Variants in MYO3B observed in about 807,000 individuals in gnomAD.
MYO3B encodes the protein myosin-IIIb.
In MYO3B, 156 loss-of-function variants were observed where a neutral mutation model predicts 174.6. The observed-to-expected ratio is 0.89, with a 90% CI of 0.78 to 1.02. The LOEUF (loss-of-function observed/expected upper bound fraction) is 1.02, where lower values mean the gene tolerates loss of function less well. Among genes scored for constraint, MYO3B ranks in the 50% least tolerant of loss-of-function variants. The pLI, the probability that MYO3B is intolerant of heterozygous loss-of-function variation, is 0.00. For missense variants in MYO3B, 1,632 were observed against 1,639.4 expected, an observed-to-expected ratio of 1.00 and a Z score of 0.08; for synonymous variants, 563 against 569.1, an observed-to-expected ratio of 0.99 and a Z score of 0.15.
At chr2:170,588,322 C>T (rs1342612851) in intron 32 of MYO3B, among the ~76,000 whole-genome samples, 1 of 152,158 alleles carries the variant, frequency 6.6e-6, no homozygotes, top group South Asian at 2.1e-4. Flanking sequence ...ACCTGTAGTC[C>T]TAGCTACTCA....
At chr2:170,418,869 C>A (rs996928106) in intron 22 of MYO3B, among the ~76,000 whole-genome samples, 60 of 151,760 alleles carry the variant, frequency 4.0e-4, no homozygotes, top group Non-Finnish European at 8.4e-4. Flanking sequence ...GCTTAGCTAG[C>A]AAAATATATA....
chr2:170,316,753 T>C (rs1020637498), intron 7 of MYO3B, among the ~76,000 whole-genome samples: 9 of 152,256 alleles, frequency 5.9e-5, no homozygotes, highest in African/African-American at 2.2e-4. Flanking sequence ...GGTCACATTC[T>C]AATTCCTTAA....
intron 9 of MYO3B, among the ~76,000 whole-genome samples, chr2:170,375,768 T>G (rs1359018581): frequency 7.3e-5 from 11 of 151,044 alleles, no homozygotes; most frequent in Non-Finnish European, 1.5e-5. Context: ...TTATATACAC[T>G]AATGGGTTAT....
At chr2:170,295,045 T>C (rs908544624) in intron 7 of MYO3B, among the ~76,000 whole-genome samples, 1 of 152,126 alleles carries the variant, frequency 6.6e-6, no homozygotes, top group Non-Finnish European at 1.5e-5. Context: ...GAACTATTAT[T>C]ACTGATGAAT....
At chr2:170,186,667 C>G (rs1028277464) in intron 1 of MYO3B, among the ~76,000 whole-genome samples, 1 of 152,118 alleles carries the variant, frequency 6.6e-6, no homozygotes, top group Non-Finnish European at 1.5e-5. Context: ...CCCTCCTCCT[C>G]TATTTTTCAG....
rs529444313 is a variant in MYO3B, at chr2:170,553,794, G to C, written c.3733+9806G>C. Among the ~76,000 whole-genome samples, 14 of 152,294 alleles carry C rather than the reference G, an allele frequency of 9.2e-5. No individual in the cohort carries two copies. In the South Asian group the frequency reaches 2.7e-3, roughly 29 times the overall value. ...GTTGAATTGTAATCCCCAGTGTTGG[G>C]AGAGAGACCTGGTGGGAGGTGATTG... On this transcript the variant is annotated intron_variant, in intron 32 of 34. Coordinates refer to ENST00000408978, the MANE Select transcript of MYO3B (RefSeq NM_138995.5).
rs569963710 is a variant in MYO3B, at chr2:170,607,162, G to A, written c.3734-44466G>A. Reference sequence around the variant, plus strand: ...TTTCTCAGTTATAATAAGTCAAATTGTATGAGATTGTTGCTATTAGATAGT... The same window carrying A: ...TTTCTCAGTTATAATAAGTCAAATTATATGAGATTGTTGCTATTAGATAGT... On this transcript the variant is annotated intron_variant, in intron 32 of 34. Transcript: ENST00000408978. 2.0e-5 allele frequency among the ~76,000 whole-genome samples: 3 copies of A among 152,182 alleles called. No homozygotes were observed. In the East Asian group the frequency reaches 5.8e-4, roughly 29 times the overall value.
At chr2:170,235,416 T>A (rs2093059303) in intron 6 of MYO3B, among the ~76,000 whole-genome samples, 1 of 152,220 alleles carries the variant, frequency 6.6e-6, no homozygotes, top group Non-Finnish European at 1.5e-5. Flanking sequence ...GCCAAGTAAC[T>A]GGAATGGCAG....
intron 7 of MYO3B, among the ~76,000 whole-genome samples, chr2:170,255,386 A>G (rs1356505286): frequency 1.3e-5 from 2 of 152,142 alleles, no homozygotes; most frequent in Non-Finnish European, 2.9e-5. Flanking sequence ...TGCTGTGCAC[A>G]CACTGAAGTA....
At chr2:170,546,119 C>T (rs1191556535) in intron 32 of MYO3B, among the ~76,000 whole-genome samples, 2 of 152,188 alleles carry the variant, frequency 1.3e-5, no homozygotes, top group Non-Finnish European at 2.9e-5. Flanking sequence ...CTCTTCTGCT[C>T]CACATGTCCT....
At chr2:170,379,159 A>G (rs2094315940) in intron 9 of MYO3B, among the ~76,000 whole-genome samples, 1 of 151,740 alleles carries the variant, frequency 6.6e-6, no homozygotes, top group African/African-American at 2.4e-5. Flanking sequence ...TGAATTTAAT[A>G]TGGTAATTTA....
Position 170,466,584 on chromosome 2 carries a change from C to G in MYO3B, c.2887C>G (p.Arg963Gly). The stretch of plus-strand genomic sequence containing the variant: ...GCGCTGCATTAAACCCAATGATGAC[C>G]GAGAGGCCCTGCAGTTCTCTCGAGA... ...FVRCIKPNDD[R>G]EALQFSRERV... Residue 963 changes from arginine to glycine, a missense_variant, in exon 25 of 35, where the codon CGA becomes GGA. Arg to Gly is a moderately radical substitution (Grantham distance 125). Transcript: ENST00000408978. 1.2e-6 allele frequency: 2 copies of G among 1,614,180 alleles called. No homozygotes were observed. The highest frequency in any genetic ancestry group is 1.7e-6 in the Non-Finnish European group (2 of 1,180,036).
At chr2:170,585,569 C>T (rs747457340) in intron 32 of MYO3B, among the ~76,000 whole-genome samples, 1 of 152,136 alleles carries the variant, frequency 6.6e-6, no homozygotes, top group Non-Finnish European at 1.5e-5. Context: ...GGCACAGGTA[C>T]TTTCTTGGCC....
intron 7 of MYO3B, among the ~76,000 whole-genome samples, chr2:170,243,425 C>A (rs943890602): frequency 6.6e-6 from 1 of 152,112 alleles, no homozygotes; most frequent in African/African-American, 2.4e-5. Context: ...AAAATTGGAC[C>A]AGTTTTGCTC....
At chr2:170,617,320 T>C (rs1476698234) in intron 32 of MYO3B, among the ~76,000 whole-genome samples, 2 of 152,224 alleles carry the variant, frequency 1.3e-5, no homozygotes, top group African/African-American at 4.8e-5. Flanking sequence ...AAATATCTTG[T>C]CTGGCTCTGA....
chr2:170,293,625 G>T (rs942342208), intron 7 of MYO3B, among the ~76,000 whole-genome samples: 2 of 152,008 alleles, frequency 1.3e-5, no homozygotes, highest in African/African-American at 2.4e-5. Context: ...AGATTTATTT[G>T]GTCTGCTTTG....
chr2:170,651,305 A>G (rs999382406), intron 32 of MYO3B, among the ~76,000 whole-genome samples: 1 of 152,170 alleles, frequency 6.6e-6, no homozygotes, highest in African/African-American at 2.4e-5. Context: ...TAGTCATGCC[A>G]CTAAGGGCAC....
intron 32 of MYO3B, among the ~76,000 whole-genome samples, chr2:170,570,959 T>A (rs1224034336): frequency 6.6e-6 from 1 of 152,192 alleles, no homozygotes. Flanking sequence ...TATCCCATCA[T>A]CCTAAAAGGA....
At chr2:170,639,072 A>G (rs1435785957) in intron 32 of MYO3B, among the ~76,000 whole-genome samples, 2 of 152,206 alleles carry the variant, frequency 1.3e-5, no homozygotes, top group Non-Finnish European at 2.9e-5. Flanking sequence ...CCCCGTCACA[A>G]TTAGCTTAGT....
Sources: gnomAD v4.1 joint callset for allele counts (sites outside exome capture counted in the v4.1 genomes callset) on GRCh38, gnomAD v4.1.1 for gene constraint, MANE v1.5 for transcripts, NCBI Gene and HGNC (gene_info 2026-07-23, HGNC 2026-07-21) for gene names.